CDK6: variants seen among roughly 807,000 people sequenced by gnomAD.
CDK6 encodes cyclin-dependent kinase 6.
Under a neutral mutation model 37.1 loss-of-function variants are expected in CDK6, and 6 were observed. The observed-to-expected ratio is 0.16, with a 90% CI of 0.09 to 0.32. The LOEUF is 0.32. Among genes scored for constraint, CDK6 ranks in the 10% least tolerant of loss-of-function variants. CDK6 has a pLI of 1.00. For synonymous variants in CDK6, 160 were observed against 161.3 expected (o/e 0.99, Z 0.06); for missense variants, 224 against 418.9 (o/e 0.53, Z 4.06).
chr7:92,676,179 A>C (rs1327178561), intron 4 of CDK6, among the ~76,000 whole-genome samples: 1 of 151,966 alleles, frequency 6.6e-6, no homozygotes, highest in African/African-American at 2.4e-5. Flanking sequence ...AATTAATAAT[A>C]AAATGCTAAC....
chr7:92,687,620 C>T (rs938531794), intron 4 of CDK6, among the ~76,000 whole-genome samples: 9 of 152,200 alleles, frequency 5.9e-5, no homozygotes, highest in Admixed American at 6.5e-5. Flanking sequence ...ATTTTGGCCT[C>T]TGTTGGCATT....
chr7:92,716,787 G>C (rs1798237765), intron 4 of CDK6, among the ~76,000 whole-genome samples: 1 of 152,126 alleles, frequency 6.6e-6, no homozygotes, highest in African/African-American at 2.4e-5. Context: ...CACTTGCGTT[G>C]AGTTAAGCAA....
chr7:92,779,764 G>A (rs189156577), intron 2 of CDK6, among the ~76,000 whole-genome samples: 2 of 152,126 alleles, frequency 1.3e-5, no homozygotes, highest in African/African-American at 4.8e-5. Flanking sequence ...CTGATTAATG[G>A]TTAGTAAACA....
chr7:92,713,773 T>C (rs1345275486), intron 4 of CDK6, among the ~76,000 whole-genome samples: 1 of 152,138 alleles, frequency 6.6e-6, no homozygotes. Flanking sequence ...TGCAGTAACT[T>C]TGGTTTTCCA....
At chr7:92,681,266 G>T (rs932467410) in intron 4 of CDK6, among the ~76,000 whole-genome samples, 3 of 152,168 alleles carry the variant, frequency 2.0e-5, no homozygotes, top group African/African-American at 7.2e-5. Context: ...AGCTGAATGG[G>T]TGTTCCCTCC....
At chr7:92,816,978 A>C (rs549314473) in intron 2 of CDK6, among the ~76,000 whole-genome samples, 1 of 151,998 alleles carries the variant, frequency 6.6e-6, no homozygotes, top group Non-Finnish European at 1.5e-5. Flanking sequence ...AATCCCTTGA[A>C]AAATACAAAA....
At chr7:92,636,023 T>TA (rs904584317) in intron 5 of CDK6, among the ~76,000 whole-genome samples, 1 of 152,022 alleles carries the variant, frequency 6.6e-6, no homozygotes, top group South Asian at 2.1e-4. Context: ...GTAGCACATT[T>TA]AAAAAAAAGT....
At chr7:92,821,003 A>T (rs1801158794) in intron 2 of CDK6, among the ~76,000 whole-genome samples, 1 of 152,018 alleles carries the variant, frequency 6.6e-6, no homozygotes, top group South Asian at 2.1e-4. Flanking sequence ...ATTCTTTAAC[A>T]TTCCTTCCAT....
chr7:92,643,590 G>A (rs1022415086), intron 5 of CDK6, among the ~76,000 whole-genome samples: 1 of 152,240 alleles, frequency 6.6e-6, no homozygotes, highest in African/African-American at 2.4e-5. Context: ...CCTAAAGGAT[G>A]AAACAGAGGA....
intron 4 of CDK6, among the ~76,000 whole-genome samples, chr7:92,705,693 A>T (rs193237510): frequency 6.6e-6 from 1 of 152,214 alleles, no homozygotes; most frequent in African/African-American, 2.4e-5. Flanking sequence ...TTGAATCTGA[A>T]AAAAGCCAGG....
chr7:92,725,498 T>C (rs932387739), intron 4 of CDK6, 128 bp downstream of exon 4: 4 of 1,124,868 alleles, frequency 3.6e-6, no homozygotes, highest in East Asian at 2.6e-5. Flanking sequence ...CATATAAAAA[T>C]GGGCAAAGAC....
At chr7:92,825,517 G>A (rs933770972) in intron 2 of CDK6, among the ~76,000 whole-genome samples, 1 of 151,976 alleles carries the variant, frequency 6.6e-6, no homozygotes, top group African/African-American at 2.4e-5. Context: ...AAACTGGAAT[G>A]AATTCAAACT....
intron 5 of CDK6, among the ~76,000 whole-genome samples, chr7:92,635,290 G>C (rs905078779): frequency 8.5e-5 from 13 of 152,108 alleles, no homozygotes; most frequent in Non-Finnish European, 1.9e-4. Flanking sequence ...TTCCCTGTAG[G>C]GATTTCTTCA....
At chr7:92,687,081 G>A (rs546355320) in intron 4 of CDK6, among the ~76,000 whole-genome samples, 1 of 152,266 alleles carries the variant, frequency 6.6e-6, no homozygotes, top group African/African-American at 2.4e-5. Context: ...CACTATTGTA[G>A]ATACTTAAAA....
intron 4 of CDK6, among the ~76,000 whole-genome samples, chr7:92,712,599 A>G (rs1251002569): frequency 1.3e-5 from 2 of 152,240 alleles, no homozygotes; most frequent in Admixed American, 1.3e-4. Context: ...CGTTATAGAA[A>G]TAAAGATAGA....
At chr7:92,649,367 C>CAGTGA (rs755284017) in intron 5 of CDK6, among the ~76,000 whole-genome samples, 9 of 152,082 alleles carry the variant, frequency 5.9e-5, no homozygotes, top group Non-Finnish European at 1.0e-4. Context: ...TTAAAAACAC[C>CAGTGA]AGTGAAGTGG....
At chr7:92,645,120 G>A (rs1388777156) in intron 5 of CDK6, among the ~76,000 whole-genome samples, 1 of 152,190 alleles carries the variant, frequency 6.6e-6, no homozygotes, top group African/African-American at 2.4e-5. Flanking sequence ...ATAAAAGCGG[G>A]TCTCTTTGGG....
At chr7:92,650,108 C>G (rs899687038) in intron 5 of CDK6, among the ~76,000 whole-genome samples, 1 of 152,174 alleles carries the variant, frequency 6.6e-6, no homozygotes, top group Non-Finnish European at 1.5e-5. Flanking sequence ...AAACAAGAAG[C>G]TACAAACAAT....
intron 4 of CDK6, among the ~76,000 whole-genome samples, chr7:92,713,794 T>C (rs1160652138): frequency 6.6e-6 from 1 of 152,046 alleles, no homozygotes; most frequent in Non-Finnish European, 1.5e-5. Flanking sequence ...GAATATCTTC[T>C]AAATATAAAC....
Sources: allele counts gnomAD v4.1 joint callset (sites outside exome capture counted in the v4.1 genomes callset), GRCh38; gene constraint gnomAD v4.1.1; transcripts MANE v1.5; gene names NCBI Gene and HGNC (gene_info 2026-07-23, HGNC 2026-07-21).